CNTNAP2: variants seen among roughly 807,000 people sequenced by gnomAD.
The protein encoded by CNTNAP2 is contactin associated protein 2.
Under a neutral mutation model 155.2 loss-of-function variants are expected in CNTNAP2, and 98 were observed. The observed-to-expected ratio is 0.63, with a 90% CI of 0.54 to 0.75. The LOEUF is 0.75. CNTNAP2 is among the 30% of genes least tolerant of loss of function. The pLI, the probability that CNTNAP2 is intolerant of heterozygous loss-of-function variation, is 0.00. For synonymous variants in CNTNAP2, 651 were observed against 631.2 expected, an observed-to-expected ratio of 1.03 and a Z score of -0.47; for missense variants, 1,727 against 1,688.1, an observed-to-expected ratio of 1.02 and a Z score of -0.40.
intron 3 of CNTNAP2, among the ~76,000 whole-genome samples, chr7:146,987,604 C>T (rs551410635): frequency 2.6e-5 from 4 of 152,238 alleles, no homozygotes; most frequent in Admixed American, 2.6e-4. Context: ...CTCATTCTAT[C>T]TTCTTCGCAG....
chr7:148,188,625 T>C (rs1795158616), intron 18 of CNTNAP2, among the ~76,000 whole-genome samples: 1 of 152,220 alleles, frequency 6.6e-6, no homozygotes, highest in South Asian at 2.1e-4. Context: ...GAATCCAAGC[T>C]AATGGCATTA....
intron 2 of CNTNAP2, among the ~76,000 whole-genome samples, chr7:146,837,358 A>G (rs1486556993): frequency 3.9e-5 from 6 of 152,132 alleles, no homozygotes; most frequent in Non-Finnish European, 8.8e-5. Flanking sequence ...CCCATCCATT[A>G]AATTTTCTAT....
chr7:148,365,042 A>G (rs1278496345), intron 21 of CNTNAP2, among the ~76,000 whole-genome samples: 1 of 152,204 alleles, frequency 6.6e-6, no homozygotes, highest in Non-Finnish European at 1.5e-5. Context: ...TAAGAGCTGT[A>G]ACAGTCACCG....
In CNTNAP2 at chr7:147,462,070, C is replaced by T. The variant is rs1463928607; in HGVS notation, c.1671-23865C>T. ...CTAAAAGCCTTTATACCTAATTTTG[C>T]CCACACTGCTCTCGTGACCCAGAGT... On this transcript the variant is annotated intron_variant, in intron 10 of 23. Coordinates refer to ENST00000361727, the MANE Select transcript of CNTNAP2 (RefSeq NM_014141.6). 4.6e-5 allele frequency among the ~76,000 whole-genome samples: 7 copies of T among 151,788 alleles called. No individual in the cohort carries two copies. The East Asian group carries it at 1.2e-3, about 25-fold the overall frequency.
intron 3 of CNTNAP2, among the ~76,000 whole-genome samples, chr7:147,010,741 A>C (rs1798607776): frequency 6.6e-6 from 1 of 152,180 alleles, no homozygotes; most frequent in Non-Finnish European, 1.5e-5. Context: ...TCAGCGCAGA[A>C]GTAATGATGG....
intron 1 of CNTNAP2, among the ~76,000 whole-genome samples, chr7:146,602,205 G>A (rs1798961458): frequency 6.6e-6 from 1 of 152,068 alleles, no homozygotes; most frequent in Admixed American, 6.6e-5. Context: ...AAGATTATAT[G>A]CGGCTATAGA....
rs557000102 is a variant in CNTNAP2, at chr7:147,472,041, T to C, written c.1671-13894T>C. On this transcript the variant is annotated intron_variant, in intron 10 of 23. Coordinates refer to ENST00000361727, the MANE Select transcript of CNTNAP2 (RefSeq NM_014141.6). Reference sequence around the variant, plus strand: ...GGCAGCCTCACACTTTTCTGCTCAGTGTTCAGTTGACACCTGCCCTTGTTT... The same window carrying C: ...GGCAGCCTCACACTTTTCTGCTCAGCGTTCAGTTGACACCTGCCCTTGTTT... 2.5e-3 allele frequency among the ~76,000 whole-genome samples: 386 copies of C among 152,232 alleles called. 7 individuals carry two copies. Among genetic ancestry groups the C allele is most frequent in the Middle Eastern group, 0.02 (6 of 294 alleles).
chr7:147,899,403 A>G (rs1799826509), intron 13 of CNTNAP2, among the ~76,000 whole-genome samples: 1 of 152,180 alleles, frequency 6.6e-6, no homozygotes, highest in Non-Finnish European at 1.5e-5. Flanking sequence ...AGGGGCTGGG[A>G]AGACGGGGAA....
At chr7:146,436,674 T>A (rs1005524969) in intron 1 of CNTNAP2, among the ~76,000 whole-genome samples, 1 of 147,444 alleles carries the variant, frequency 6.8e-6, no homozygotes, top group African/African-American at 2.7e-5. Context: ...CAGAAACCTC[T>A]AAAACTTGAT....
At chr7:146,911,218 C>A (rs545784544) in intron 3 of CNTNAP2, among the ~76,000 whole-genome samples, 2 of 152,200 alleles carry the variant, frequency 1.3e-5, no homozygotes, top group South Asian at 4.1e-4. Context: ...GGACTGTAAA[C>A]TAGTTCAACC....
At chr7:147,551,030 G>A (rs942175617) in intron 11 of CNTNAP2, among the ~76,000 whole-genome samples, 4 of 152,170 alleles carry the variant, frequency 2.6e-5, no homozygotes, top group Admixed American at 1.3e-4. Flanking sequence ...ACCAGGCACT[G>A]TGCTATCAGG....
At chr7:148,312,402 A>G (rs542552177) in intron 21 of CNTNAP2, among the ~76,000 whole-genome samples, 123 of 152,260 alleles carry the variant, frequency 8.1e-4, no homozygotes, top group African/African-American at 2.8e-3. Flanking sequence ...AAGTAATGGG[A>G]GCTGTCTGTG....
intron 3 of CNTNAP2, among the ~76,000 whole-genome samples, chr7:146,882,854 C>T (rs1409841089): frequency 6.6e-6 from 1 of 152,136 alleles, no homozygotes. Flanking sequence ...TCTAGGAATA[C>T]AACTAAGCAA....
chr7:146,366,296 A>G (rs1795154596), intron 1 of CNTNAP2, among the ~76,000 whole-genome samples: 1 of 152,128 alleles, frequency 6.6e-6, no homozygotes, highest in South Asian at 2.1e-4. Flanking sequence ...TTTAAATGCC[A>G]GAATTATAAA....
At chr7:148,381,878 C>T (rs924959172) in intron 21 of CNTNAP2, among the ~76,000 whole-genome samples, 3 of 144,440 alleles carry the variant, frequency 2.1e-5, no homozygotes, top group Non-Finnish European at 4.6e-5. Flanking sequence ...TGGCCCCCCC[C>T]CAGGGGAATT....
At chr7:146,675,024 A>AT in intron 1 of CNTNAP2, among the ~76,000 whole-genome samples, 1 of 152,288 alleles carries the variant, frequency 6.6e-6, no homozygotes, top group Non-Finnish European at 1.5e-5. Flanking sequence ...AAAGTGGCAT[A>AT]TTTTGGGGTA....
rs114124485 is a variant in CNTNAP2, at chr7:146,651,037, G to A, written c.98-123234G>A. Among the ~76,000 whole-genome samples the A allele has an allele frequency of 6.8e-3, 1,026 of 151,390 alleles. 11 individuals carry two copies. The highest frequency in any genetic ancestry group is 0.024 in the African/African-American group (981 of 41,254). On this transcript the variant is annotated intron_variant, in intron 1 of 23. Coordinates refer to ENST00000361727, the MANE Select transcript of CNTNAP2 (RefSeq NM_014141.6). ...CATAGTGAATTTTTTTTTTTTTAAAGAACAACTAGATTCTCCATAAAACAG... is the reference window on the plus strand; with the variant it reads ...CATAGTGAATTTTTTTTTTTTTAAAAAACAACTAGATTCTCCATAAAACAG...
At chr7:146,900,947 C>G (rs192569534) in intron 3 of CNTNAP2, among the ~76,000 whole-genome samples, 1 of 151,958 alleles carries the variant, frequency 6.6e-6, no homozygotes, top group Non-Finnish European at 1.5e-5. Context: ...ATCCTCTGTC[C>G]TCATAATATA....
At chr7:147,499,185 T>A (rs1798765479) in intron 11 of CNTNAP2, among the ~76,000 whole-genome samples, 1 of 152,090 alleles carries the variant, frequency 6.6e-6, no homozygotes, top group Non-Finnish European at 1.5e-5. Flanking sequence ...ACTTAAAAAA[T>A]TAAGAATAAA....
Sources: allele counts gnomAD v4.1 joint callset (sites outside exome capture counted in the v4.1 genomes callset), GRCh38; gene constraint gnomAD v4.1.1; transcripts MANE v1.5; gene names NCBI Gene and HGNC (gene_info 2026-07-23, HGNC 2026-07-21).